The following MYO16 variants were observed in gnomAD, a reference collection of about 807,000 sequenced individuals.
The protein encoded by MYO16 is myosin XVI.
In MYO16, 94 loss-of-function variants were observed where a neutral mutation model predicts 205.3. The observed-to-expected ratio is 0.46, with a 90% CI of 0.39 to 0.54. The LOEUF (loss-of-function observed/expected upper bound fraction) is 0.54, where lower values mean the gene tolerates loss of function less well. Among genes scored for constraint, MYO16 ranks in the 20% least tolerant of loss-of-function variants. MYO16 has a pLI of 0.00. For missense variants in MYO16, 2,315 were observed against 2,387.5 expected (o/e 0.97, Z 0.63); for synonymous variants, 988 against 954.0 (o/e 1.04, Z -0.66).
rs761351225 is a variant in MYO16 at position 109,125,609 on chromosome 13, T to A, written c.3782+251T>A. Among the ~76,000 whole-genome samples, 8 of 152,216 alleles carry A rather than the reference T, an allele frequency of 5.3e-5. No individual in the cohort carries two copies. The highest frequency in any genetic ancestry group is 1.2e-4 in the Non-Finnish European group (8 of 68,048). Reference sequence around the variant, plus strand: ...ATGACTGCCTCTCCTGCCATGCTTGTGTCACTTAACTACCTCAAGCACACT... The same window carrying A: ...ATGACTGCCTCTCCTGCCATGCTTGAGTCACTTAACTACCTCAAGCACACT... On this transcript the variant is annotated intron_variant, in intron 30 of 34. Transcript: ENST00000457511. The surrounding 1 kb of genome is among the most constrained non-coding windows in gnomAD (Gnocchi z 4.0).
intron 4 of MYO16, among the ~76,000 whole-genome samples, chr13:108,728,937 A>C (rs2139587187): frequency 6.6e-6 from 1 of 151,064 alleles, no homozygotes; most frequent in Non-Finnish European, 1.5e-5. Flanking sequence ...AGGAGGTTTA[A>C]TTTTGTCTAG....
intron 28 of MYO16, among the ~76,000 whole-genome samples, chr13:109,107,638 C>A (rs1889157686): frequency 6.6e-6 from 1 of 151,840 alleles, no homozygotes; most frequent in Admixed American, 6.6e-5. Context: ...ACTCAGGGAA[C>A]ACTTCATAAA....
chr13:108,779,568 C>T (rs9559410), intron 4 of MYO16: 51,641 of 152,094 alleles, frequency 0.34, 9,966 homozygotes, highest in East Asian at 0.63. Flanking sequence ...TGGCTCAGGC[C>T]TAGGCTGCAA....
chr13:109,018,173 T>C (rs1388877764), intron 22 of MYO16, among the ~76,000 whole-genome samples: 2 of 152,196 alleles, frequency 1.3e-5, no homozygotes, highest in Non-Finnish European at 2.9e-5. Flanking sequence ...TTTTTGTTGA[T>C]GTTGATACAG....
chr13:109,144,284 G>A lies in MYO16; in HGVS notation c.5164+2908G>A, dbSNP rs1270987749. On this transcript the variant is annotated intron_variant, in intron 32 of 34. Coordinates refer to ENST00000457511, the MANE Select transcript of MYO16 (RefSeq NM_001198950.3). ...CCCGCCTCAGCCTCCCAAAGTGCTG[G>A]GATTACAGACGTGAACCACCATGCC... Among the ~76,000 whole-genome samples, 9 of 152,196 alleles carry A rather than the reference G, an allele frequency of 5.9e-5. 1 individual carries two copies. The East Asian group carries it at 1.7e-3, about 29-fold the overall frequency.
chr13:108,880,255 G>A (rs1213982764), intron 12 of MYO16, among the ~76,000 whole-genome samples: 3 of 152,160 alleles, frequency 2.0e-5, no homozygotes, highest in Non-Finnish European at 2.9e-5. Flanking sequence ...GTAGATTCTG[G>A]ATATTAGCCC....
intron 1 of MYO16, among the ~76,000 whole-genome samples, chr13:108,615,638 G>A (rs1879323820): frequency 1.3e-5 from 2 of 152,118 alleles, no homozygotes; most frequent in African/African-American, 4.8e-5. Context: ...AGGACATATT[G>A]ATCCATGCTG....
intron 33 of MYO16, among the ~76,000 whole-genome samples, chr13:109,165,720 C>T (rs189771019): frequency 1.3e-5 from 2 of 152,206 alleles, no homozygotes; most frequent in African/African-American, 4.8e-5. Flanking sequence ...CAAGGTGAGC[C>T]GAAGCAAGGA....
At chr13:108,953,156 T>C (rs1276436198) in intron 16 of MYO16, among the ~76,000 whole-genome samples, 3 of 152,238 alleles carry the variant, frequency 2.0e-5, no homozygotes, top group Non-Finnish European at 4.4e-5. Context: ...AACTTTCAGG[T>C]GATTCACGTC....
intron 5 of MYO16, among the ~76,000 whole-genome samples, chr13:108,789,075 C>T (rs181099848): frequency 1.3e-5 from 2 of 152,286 alleles, no homozygotes; most frequent in East Asian, 3.9e-4. Context: ...TCTTTCCAGA[C>T]CTTCACTCCT....
At chr13:108,635,070 A>T (rs915669149) in intron 1 of MYO16, among the ~76,000 whole-genome samples, 2 of 152,200 alleles carry the variant, frequency 1.3e-5, no homozygotes, top group Admixed American at 6.5e-5. Context: ...AGGCATTAAG[A>T]CATTCTGTTT....
At chr13:108,808,846 G>A (rs531901530) in intron 7 of MYO16, among the ~76,000 whole-genome samples, 13 of 152,150 alleles carry the variant, frequency 8.5e-5, no homozygotes, top group East Asian at 3.9e-4. Flanking sequence ...CATGCCATGC[G>A]TCAGTGGTAG....
At chr13:109,046,536 A>C (rs1330230886) in intron 23 of MYO16, among the ~76,000 whole-genome samples, 1 of 152,216 alleles carries the variant, frequency 6.6e-6, no homozygotes, top group Non-Finnish European at 1.5e-5. Flanking sequence ...AGACTATTAA[A>C]TTTCTCAAAC....
chr13:109,186,746 A>G (rs537134801), intron 34 of MYO16, among the ~76,000 whole-genome samples: 1 of 152,328 alleles, frequency 6.6e-6, no homozygotes, highest in Admixed American at 6.5e-5. Flanking sequence ...GAACATGTTT[A>G]CAGTTTGACC....
chr13:108,564,068 TTTC>T, the MYO16 span, among the ~76,000 whole-genome samples: 1 of 152,216 alleles, frequency 6.6e-6, no homozygotes, highest in Admixed American at 6.5e-5. Context: ...TCAATGTAGT[TTTC>T]ATTTACATCT....
At chr13:108,986,739 C>T (rs1276791160) in intron 20 of MYO16, among the ~76,000 whole-genome samples, 2 of 151,582 alleles carry the variant, frequency 1.3e-5, no homozygotes, top group Non-Finnish European at 2.9e-5. Context: ...CTCACTACTA[C>T]AGTTATTGAT....
the MYO16 span, among the ~76,000 whole-genome samples, chr13:108,505,249 G>A: frequency 2.0e-5 from 3 of 152,086 alleles, no homozygotes; most frequent in Non-Finnish European, 2.9e-5. Flanking sequence ...TTTCCATAGT[G>A]GCTGCACCAT....
chr13:108,902,919 TC>T (rs1661718709), intron 15 of MYO16, among the ~76,000 whole-genome samples: 3 of 152,210 alleles, frequency 2.0e-5, no homozygotes, highest in Non-Finnish European at 4.4e-5. Flanking sequence ...TCATAAGTTT[TC>T]AATTGCATGT....
At chr13:109,095,807 A>G (rs998299381) in intron 27 of MYO16, among the ~76,000 whole-genome samples, 1 of 152,246 alleles carries the variant, frequency 6.6e-6, no homozygotes, top group East Asian at 1.9e-4. Context: ...TCCTGAGGGC[A>G]TGAATGAGTT....
Sources: gnomAD v4.1 joint callset for allele counts (sites outside exome capture counted in the v4.1 genomes callset) on GRCh38, gnomAD v4.1.1 for gene constraint, Gnocchi (gnomAD v3.1) non-coding constraint, MANE v1.5 for transcripts, NCBI Gene and HGNC (gene_info 2026-07-23, HGNC 2026-07-21) for gene names.